ADSL: variants seen among roughly 807,000 people sequenced by gnomAD.
The protein encoded by ADSL is adenylosuccinase.
In ADSL, 44 loss-of-function variants were observed where a neutral mutation model predicts 62.1. The observed-to-expected ratio is 0.71, with a 90% CI of 0.56 to 0.91. The LOEUF (loss-of-function observed/expected upper bound fraction) is 0.91, where lower values mean the gene tolerates loss of function less well. Ranked by LOEUF, ADSL falls within the 40% of genes least tolerant of loss-of-function variation. The probability of loss-of-function intolerance (pLI) is 0.00; values close to 1 mark genes in which losing one functional copy is unlikely to be tolerated. For missense variants in ADSL, 531 were observed against 627.4 expected, an observed-to-expected ratio of 0.85 and a Z score of 1.64; for synonymous variants, 198 against 220.5, an observed-to-expected ratio of 0.90 and a Z score of 0.90.
At chr22:40,358,018 T>TC (rs1342507883) in intron 4 of ADSL, among the ~76,000 whole-genome samples, 6 of 152,174 alleles carry the variant, frequency 3.9e-5, no homozygotes, top group South Asian at 2.1e-4. Flanking sequence ...CCTCAAGTGA[T>TC]CCCCCCGTCT....
At position 40,364,987 on chromosome 22, in the gene ADSL, C is replaced by A; in HGVS notation, c.1299C>A (p.Phe433Leu). The change falls in exon 12 of 13, where the codon TTC becomes TTA. Residue 433 changes from phenylalanine to leucine, a missense_variant. This residue lies in a region of ADSL where 471 missense variants were observed against 592.9 expected (regional missense o/e 0.79). Coordinates refer to ENST00000623063, the MANE Select transcript of ADSL (RefSeq NM_000026.4). ...LIERIQVDAY[F>L]SPIHSQLDHL... is the part of the protein sequence containing the mutation. ...AGCGTATCCAGGTTGATGCCTACTT[C>A]AGTCCCATTCACTCCCAGTTGGATC... 1 of 1,614,090 alleles carries A rather than the reference C, an allele frequency of 6.2e-7. No homozygotes were observed. Among genetic ancestry groups the A allele is most frequent in the Non-Finnish European group, 8.5e-7 (1 of 1,179,968 alleles).
At chr22:40,375,114 T>G (rs1169324646) in intron 2 of ADSL, among the ~76,000 whole-genome samples, 3 of 152,242 alleles carry the variant, frequency 2.0e-5, no homozygotes, top group Non-Finnish European at 4.4e-5. Flanking sequence ...CTATTAACTG[T>G]CTCTTCTAAT....
Position 40,346,505 on chromosome 22 carries a change from T to G in ADSL, c.-54T>G. The G allele has an allele frequency of 6.4e-7, 1 of 1,555,404 alleles. No individual in the cohort carries two copies. The highest frequency in any genetic ancestry group is 1.3e-5 in the African/African-American group (1 of 74,092). On this transcript the variant is annotated 5_prime_UTR_variant, in exon 1 of 13. Coordinates refer to ENST00000623063, the MANE Select transcript of ADSL (RefSeq NM_000026.4). ...CCCGTCCTGCCCTGGCCTCCAGGTT[T>G]CCGCTTCCGCTCTTCCCTGGTCCAG...
intron 2 of ADSL, among the ~76,000 whole-genome samples, chr22:40,378,807 G>T (rs1260231582): frequency 6.6e-6 from 1 of 152,040 alleles, no homozygotes; most frequent in East Asian, 1.9e-4. Context: ...CCAATTCTGA[G>T]ATCGTGATTC....
At chr22:40,348,786 C>A (rs1194350971) in intron 1 of ADSL, 1 of 391,256 alleles carries the variant, frequency 2.6e-6, no homozygotes, top group Non-Finnish European at 4.5e-6. Context: ...CAAGATCCTT[C>A]CCGGAGTCAC....
rs1471690339 is a variant in ADSL at position 40,366,660 on chromosome 22, T to C, written c.*138T>C. On this transcript the variant is annotated 3_prime_UTR_variant, in exon 13 of 13. Coordinates refer to ENST00000623063, the MANE Select transcript of ADSL (RefSeq NM_000026.4). ...TTCTTCTTCCCATGGTGCTTTCCTG[T>C]TTCTCAGTCTCACATTTCTCAACAA... 1.4e-6 allele frequency: 1 copy of C among 699,810 alleles called. No homozygotes were observed. Among genetic ancestry groups the C allele is most frequent in the Non-Finnish European group, 2.5e-6 (1 of 394,602 alleles). 43.4% of individuals were successfully genotyped at this position (699,810 alleles called of 1,614,324 possible).
chr22:40,371,122 C>T (rs2146697801), downstream of ADSL, among the ~76,000 whole-genome samples: 3 of 152,342 alleles, frequency 2.0e-5, 1 homozygote, highest in South Asian at 6.2e-4. Flanking sequence ...CTTTAAGATT[C>T]AGATCCAGGT....
chr22:40,348,440 G>T (rs886497251), intron 1 of ADSL: 2 of 398,456 alleles, frequency 5.0e-6, no homozygotes, highest in East Asian at 7.1e-5. Context: ...CTGGAGTGCA[G>T]TGGCACAATC....
chr22:40,370,230 C>A (rs977801731), downstream of ADSL, among the ~76,000 whole-genome samples: 1 of 151,942 alleles, frequency 6.6e-6, no homozygotes, highest in Non-Finnish European at 1.5e-5. Flanking sequence ...GTGGCGGGCG[C>A]CTGTAATCCC....
At chr22:40,370,257 G>A (rs2045171700), downstream of ADSL, among the ~76,000 whole-genome samples, 1 of 151,318 alleles carries the variant, frequency 6.6e-6, no homozygotes, top group Non-Finnish European at 1.5e-5. Context: ...TCGGGAGGCT[G>A]AGGCAGAGAA....
chr22:40,365,211 CTGTTT>C (rs2044956179), intron 12 of ADSL, among the ~76,000 whole-genome samples, 155 bp downstream of exon 12: 1 of 152,066 alleles, frequency 6.6e-6, no homozygotes, highest in Non-Finnish European at 1.5e-5. Context: ...GGTTTTGTTT[CTGTTT>C]TGTTTTGTTT....
chr22:40,349,835 T>C lies in ADSL; in HGVS notation c.157T>C (p.Leu53=). ...TTTTATTTTGCCTATTCTGCAGACA[T>C]TGGGTTTGCCTATCACAGATGAACA... ...WLWLAEAEQT[L]GLPITDEQIQ... Residue 53 remains leucine, a synonymous_variant, in exon 2 of 13, where the codon TTG becomes CTG. Transcript: ENST00000623063. The C allele has an allele frequency of 6.2e-7, 1 of 1,613,862 alleles. No individual in the cohort carries two copies. Among genetic ancestry groups the C allele is most frequent in the Non-Finnish European group, 8.5e-7 (1 of 1,179,748 alleles).
chr22:40,373,011 T>G (rs1386055707), downstream of ADSL: 1 of 152,198 alleles, frequency 6.6e-6, no homozygotes, highest in Non-Finnish European at 1.5e-5. Flanking sequence ...ATCCTGTTTC[T>G]TTGCCATCAC....
chr22:40,369,726 T>C (rs1211585524), downstream of ADSL, among the ~76,000 whole-genome samples: 1 of 151,998 alleles, frequency 6.6e-6, no homozygotes, highest in East Asian at 1.9e-4. Flanking sequence ...GGCTGTTGTA[T>C]TTTCTTTAAG....
At chr22:40,362,517 G>A (rs2044829791) in intron 9 of ADSL, among the ~76,000 whole-genome samples, 1 of 152,208 alleles carries the variant, frequency 6.6e-6, no homozygotes, top group Non-Finnish European at 1.5e-5. Context: ...AAAGTCTGAG[G>A]CCACATTGGT....
intron 2 of ADSL, among the ~76,000 whole-genome samples, chr22:40,381,814 G>A (rs868084898): frequency 6.6e-6 from 1 of 152,098 alleles, no homozygotes; most frequent in Admixed American, 6.6e-5. Context: ...CAAAAAACTA[G>A]CCAGGCATGG....
chr22:40,363,906 G>A (rs745473254), intron 10 of ADSL, among the ~76,000 whole-genome samples: 1 of 151,978 alleles, frequency 6.6e-6, no homozygotes, highest in African/African-American at 2.4e-5. Context: ...GTGAAACCCT[G>A]TCTCTACTAA....
chr22:40,365,595 C>T (rs935979226), intron 12 of ADSL, among the ~76,000 whole-genome samples: 1 of 151,960 alleles, frequency 6.6e-6, no homozygotes, highest in African/African-American at 2.4e-5. Context: ...ATAGGCTGGG[C>T]GCAGTGGCTC....
At chr22:40,349,262 TG>T (rs2146621088) in intron 1 of ADSL, among the ~76,000 whole-genome samples, 1 of 152,122 alleles carries the variant, frequency 6.6e-6, no homozygotes, top group South Asian at 2.1e-4. Context: ...TTTGAGAAGA[TG>T]ACATTTGATT....
Sources: allele counts gnomAD v4.1 joint callset (sites outside exome capture counted in the v4.1 genomes callset), GRCh38; gene constraint gnomAD v4.1.1; regional missense constraint gnomAD v4.1.1; transcripts MANE v1.5; gene names NCBI Gene and HGNC (gene_info 2026-07-23, HGNC 2026-07-21).